Variants in ATP6V1H observed in about 807,000 individuals in gnomAD.
The protein encoded by ATP6V1H is V-type proton ATPase subunit H.
In ATP6V1H, 39 loss-of-function variants were observed where a neutral mutation model predicts 71.7. That is an observed-to-expected ratio of 0.54 (90% CI 0.42 to 0.71). The LOEUF is 0.71. Among genes scored for constraint, ATP6V1H ranks in the 30% least tolerant of loss-of-function variants. The pLI is 0.00. For missense variants in ATP6V1H, 509 were observed against 594.9 expected (o/e 0.86, Z 1.50); for synonymous variants, 192 against 199.3 (o/e 0.96, Z 0.31).
intron 3 of ATP6V1H, among the ~76,000 whole-genome samples, chr8:53,829,734 C>T (rs1810945450): frequency 6.6e-6 from 1 of 152,116 alleles, no homozygotes; most frequent in African/African-American, 2.4e-5. Flanking sequence ...AGCTTGTGAA[C>T]ATTTCTAGTG....
At chr8:53,759,150 A>T (rs1428390228) in intron 11 of ATP6V1H, among the ~76,000 whole-genome samples, 1 of 152,252 alleles carries the variant, frequency 6.6e-6, no homozygotes, top group Non-Finnish European at 1.5e-5. Flanking sequence ...ACAGCCTTAG[A>T]GTCAGATAAT....
intron 9 of ATP6V1H, among the ~76,000 whole-genome samples, chr8:53,775,200 G>A (rs1030867867): frequency 6.6e-6 from 1 of 151,934 alleles, no homozygotes; most frequent in East Asian, 1.9e-4. Context: ...GGAGTTGTTC[G>A]TTCCTCCCGG....
In ATP6V1H at chr8:53,828,545, C is replaced by G. The variant is rs1810895850; in HGVS notation, c.306+899G>C. On this transcript the variant is annotated intron_variant, in intron 4 of 13. Coordinates refer to ENST00000359530, the MANE Select transcript of ATP6V1H (RefSeq NM_015941.4). Reference sequence around the variant, plus strand: ...ATCATAACATTCACATTTTTCTAAACTTTACTGTTTTACATGAAAAAGTGC... The same window carrying G: ...ATCATAACATTCACATTTTTCTAAAGTTTACTGTTTTACATGAAAAAGTGC... 1.3e-5 allele frequency among the ~76,000 whole-genome samples: 2 copies of G among 152,130 alleles called. 1 individual carries two copies. Among genetic ancestry groups the G allele is most frequent in the South Asian group, 4.1e-4 (2 of 4,826 alleles).
chr8:53,718,479 C>A (rs1309096244), intron 13 of ATP6V1H, among the ~76,000 whole-genome samples: 1 of 150,430 alleles, frequency 6.6e-6, no homozygotes, highest in Non-Finnish European at 1.5e-5. Flanking sequence ...GCCTTGACCT[C>A]CCTGGGTTCA....
intron 8 of ATP6V1H, among the ~76,000 whole-genome samples, chr8:53,797,011 G>T (rs1277044040): frequency 3.3e-5 from 5 of 152,168 alleles, no homozygotes; most frequent in Admixed American, 3.3e-4. Context: ...ATTTTTGGAT[G>T]TTATGTAAAA....
chr8:53,778,627 T>TA (rs1284581175), intron 9 of ATP6V1H, among the ~76,000 whole-genome samples: 2 of 152,058 alleles, frequency 1.3e-5, no homozygotes, highest in Non-Finnish European at 2.9e-5. Context: ...AGGATGCACT[T>TA]AACCCAAGAG....
intron 6 of ATP6V1H, among the ~76,000 whole-genome samples, chr8:53,813,399 TTAAAA>T (rs1436858643): frequency 6.6e-6 from 1 of 152,174 alleles, no homozygotes; most frequent in African/African-American, 2.4e-5. Context: ...CTAAAATCTA[TTAAAA>T]TAATAAAGTC....
At chr8:53,813,872 AT>A (rs1216604020) in intron 6 of ATP6V1H, among the ~76,000 whole-genome samples, 2 of 152,184 alleles carry the variant, frequency 1.3e-5, no homozygotes, top group Admixed American at 1.3e-4. Flanking sequence ...AAACTGTGAA[AT>A]TGTGAGAACG....
intron 9 of ATP6V1H, among the ~76,000 whole-genome samples, chr8:53,788,868 C>T (rs1011327728): frequency 1.3e-5 from 2 of 152,132 alleles, no homozygotes; most frequent in Non-Finnish European, 2.9e-5. Context: ...AAAGAAAAAA[C>T]TTAGGAATCT....
rs755227824 is a variant in ATP6V1H at position 53,795,844 on chromosome 8, AAAAC to A, written c.678-9_678-6del. The stretch of plus-strand genomic sequence containing the variant: ...TTACTCAACACTCCCATTATGCTGA[AAAAC>A]AAACAAACAAAAAAAACACATTTAC... On this transcript the variant is annotated splice_region_variant and splice_polypyrimidine_tract_variant and intron_variant, in intron 8 of 13. Transcript: ENST00000359530. The A allele has an allele frequency of 1.6e-5, 25 of 1,576,652 alleles. No individual in the cohort carries two copies. The highest frequency in any genetic ancestry group is 8.2e-5 in the Admixed American group (4 of 48,604).
chr8:53,826,187 C>A (rs918380790), intron 4 of ATP6V1H, among the ~76,000 whole-genome samples: 1 of 152,102 alleles, frequency 6.6e-6, no homozygotes, highest in African/African-American at 2.4e-5. Flanking sequence ...TTACAGGGAA[C>A]CAGGCACTCA....
At chr8:53,800,497 T>C (rs961238769) in intron 8 of ATP6V1H, among the ~76,000 whole-genome samples, 1 of 152,204 alleles carries the variant, frequency 6.6e-6, no homozygotes, top group Non-Finnish European at 1.5e-5. Context: ...ATGGGTCAAA[T>C]AAGTGAAATC....
Position 53,715,769 on chromosome 8 carries a change from C to T in ATP6V1H, c.*195G>A. The T allele has an allele frequency of 4.3e-6, 2 of 464,732 alleles. 1 individual carries two copies. The highest frequency in any genetic ancestry group is 1.1e-4 in the South Asian group (2 of 18,702). The allele number at this position is 464,732 out of a possible 1,614,324, so 28.8% of individuals were successfully genotyped here. A position where few individuals can be genotyped will look rare whatever the true frequency, so the allele number is the denominator to read the frequency against. On this transcript the variant is annotated 3_prime_UTR_variant, in exon 14 of 14. Transcript: ENST00000359530. ...GTAACAGTAATATTTTCTTTAAATACAGAATCACCTACTTTTATACAACTT... is the reference window on the plus strand; with the variant it reads ...GTAACAGTAATATTTTCTTTAAATATAGAATCACCTACTTTTATACAACTT...
chr8:53,727,699 G>A (rs551660221), intron 13 of ATP6V1H, among the ~76,000 whole-genome samples: 1 of 152,154 alleles, frequency 6.6e-6, no homozygotes, highest in Non-Finnish European at 1.5e-5. Flanking sequence ...TAAATATGTC[G>A]CTCTAGCTTA....
At chr8:53,783,491 A>T (rs906671755) in intron 9 of ATP6V1H, among the ~76,000 whole-genome samples, 25 of 152,134 alleles carry the variant, frequency 1.6e-4, no homozygotes, top group African/African-American at 6.0e-4. Context: ...TCAAAAAGCC[A>T]GCTCCTGGAT....
chr8:53,745,720 C>T (rs1235016893), intron 12 of ATP6V1H, among the ~76,000 whole-genome samples: 1 of 151,516 alleles, frequency 6.6e-6, no homozygotes, highest in Non-Finnish European at 1.5e-5. Context: ...CACAAAAACC[C>T]CACAAAAATG....
Position 53,772,292 on chromosome 8 carries a change from G to A in ATP6V1H, c.871-125C>T, listed in dbSNP as rs539802906. 1.2e-5 allele frequency: 9 copies of A among 723,744 alleles called. No homozygotes were observed. The African/African-American group carries it at 1.6e-4, about 13-fold the overall frequency. 44.8% of individuals were successfully genotyped at this position (723,744 alleles called of 1,614,324 possible). A position where few individuals can be genotyped will look rare whatever the true frequency, so the allele number is the denominator to read the frequency against. On this transcript the variant is annotated intron_variant, in intron 9 of 13. Transcript: ENST00000359530. ...TCTCAAGTTTAACTATCACCTTTAA[G>A]TGGATGACTCTATCTCAAATCCTTA...
At chr8:53,779,759 C>G (rs1418069434) in intron 9 of ATP6V1H, among the ~76,000 whole-genome samples, 2 of 152,062 alleles carry the variant, frequency 1.3e-5, no homozygotes, top group Non-Finnish European at 2.9e-5. Flanking sequence ...TTTCCTATTA[C>G]CTATCCTCTC....
chr8:53,755,363 G>A (rs1305534584), intron 12 of ATP6V1H, among the ~76,000 whole-genome samples: 1 of 151,728 alleles, frequency 6.6e-6, no homozygotes, highest in Non-Finnish European at 1.5e-5. Context: ...GTCTGAAAGG[G>A]CCAAGTACAA....
Sources: allele counts gnomAD v4.1 joint callset (sites outside exome capture counted in the v4.1 genomes callset), GRCh38; gene constraint gnomAD v4.1.1; transcripts MANE v1.5; gene names NCBI Gene and HGNC (gene_info 2026-07-23, HGNC 2026-07-21).